The following PKP4 variants were observed in gnomAD, a reference collection of about 807,000 sequenced individuals.
PKP4 encodes plakophilin-4.
Under a neutral mutation model 145.1 loss-of-function variants are expected in PKP4, and 90 were observed. The ratio of observed to expected loss-of-function variants is 0.62; its 90% CI spans 0.52 to 0.74. The LOEUF (loss-of-function observed/expected upper bound fraction) is 0.74, where lower values mean the gene tolerates loss of function less well. Ranked by LOEUF, PKP4 falls within the 30% of genes least tolerant of loss-of-function variation. The pLI is 0.00. For synonymous variants in PKP4, 563 were observed against 577.2 expected (o/e 0.98, Z 0.35); for missense variants, 1,340 against 1,482.7 (o/e 0.90, Z 1.58).
chr2:158,646,516 T>C (rs1021698811), intron 11 of PKP4, among the ~76,000 whole-genome samples: 11 of 152,248 alleles, frequency 7.2e-5, no homozygotes, highest in African/African-American at 2.7e-4. Context: ...ATTTATAGTC[T>C]AAGCTTTATA....
At chr2:158,590,375 A>G (rs1574656397) in intron 3 of PKP4, among the ~76,000 whole-genome samples, 1 of 137,004 alleles carries the variant, frequency 7.3e-6, no homozygotes. Flanking sequence ...TATTTCTTCT[A>G]GACTTTTTTT....
At chr2:158,478,530 T>C (rs773129804) in intron 1 of PKP4, among the ~76,000 whole-genome samples, 7 of 152,234 alleles carry the variant, frequency 4.6e-5, no homozygotes, top group Admixed American at 3.9e-4. Flanking sequence ...GCCTTGGCAA[T>C]AGCTCATCGT....
At chr2:158,549,320 A>T (rs899839406) in intron 2 of PKP4, 1 of 152,258 alleles carries the variant, frequency 6.6e-6, no homozygotes, top group Non-Finnish European at 1.5e-5. Context: ...GTACTTTTAC[A>T]GGGGTGGATC....
chr2:158,467,644 A>C (rs112374757), intron 1 of PKP4, among the ~76,000 whole-genome samples: 13,151 of 152,032 alleles, frequency 0.087, 783 homozygotes, highest in Middle Eastern at 0.21. Flanking sequence ...CCAAGAGTTC[A>C]AGACCAGCCT....
chr2:158,463,881 T>C (rs561622531), intron 1 of PKP4, among the ~76,000 whole-genome samples: 79 of 152,270 alleles, frequency 5.2e-4, no homozygotes, highest in African/African-American at 1.9e-3. Flanking sequence ...AGTCAGTGGC[T>C]CCGTGTCTTG....
intron 19 of PKP4, among the ~76,000 whole-genome samples, chr2:158,674,553 T>C (rs1346349949): frequency 1.3e-5 from 2 of 152,240 alleles, no homozygotes; most frequent in Non-Finnish European, 2.9e-5. Context: ...CTGCTGCTAA[T>C]GGAAGCAGGC....
chr2:158,541,901 C>G (rs2044556321), intron 2 of PKP4, among the ~76,000 whole-genome samples: 1 of 152,184 alleles, frequency 6.6e-6, no homozygotes, highest in South Asian at 2.1e-4. Flanking sequence ...GTCTTAACCA[C>G]TGCCTATGGC....
intron 2 of PKP4, among the ~76,000 whole-genome samples, chr2:158,534,170 G>A (rs2043831550): frequency 1.3e-5 from 2 of 151,712 alleles, no homozygotes; most frequent in Non-Finnish European, 2.9e-5. Flanking sequence ...GTATTTGCTG[G>A]GATATTCCTT....
chr2:158,584,064 G>T (rs2048576014), intron 3 of PKP4, among the ~76,000 whole-genome samples: 1 of 152,156 alleles, frequency 6.6e-6, no homozygotes, highest in South Asian at 2.1e-4. Flanking sequence ...CCAGGACCAG[G>T]GGCTCTCTGC....
chr2:158,631,679 T>C, intron 7 of PKP4, 74 bp from the exon 8 acceptor site: 2 of 1,302,530 alleles, frequency 1.5e-6, no homozygotes, highest in Non-Finnish European at 2.2e-6. Context: ...GGGTTAGGAA[T>C]TTAATTAGGG....
intron 6 of PKP4, 36 bp from the exon 7 acceptor site, chr2:158,624,842 A>T (rs370100583): frequency 3.7e-5 from 56 of 1,520,210 alleles, no homozygotes; most frequent in Non-Finnish European, 4.7e-5. Context: ...AAAACCCTGG[A>T]TAAACCCATT....
chr2:158,539,797 G>A (rs747837534), intron 2 of PKP4, among the ~76,000 whole-genome samples: 19 of 152,184 alleles, frequency 1.2e-4, no homozygotes, highest in Non-Finnish European at 1.9e-4. Flanking sequence ...GCAGAGCCTT[G>A]TGACACTGTT....
chr2:158,545,524 A>G (rs1354736097), intron 2 of PKP4, among the ~76,000 whole-genome samples: 1 of 152,216 alleles, frequency 6.6e-6, no homozygotes, highest in African/African-American at 2.4e-5. Flanking sequence ...AAGCAGTTGC[A>G]GAGGTTAGGA....
intron 1 of PKP4, among the ~76,000 whole-genome samples, chr2:158,530,013 A>T (rs1390933029): frequency 6.6e-6 from 1 of 152,182 alleles, no homozygotes; most frequent in Non-Finnish European, 1.5e-5. Context: ...CTGTTTACAG[A>T]TTGTTGAAGT....
At chr2:158,658,042 A>T in intron 11 of PKP4, 89 bp from the exon 12 acceptor site, 1 of 770,510 alleles carries the variant, frequency 1.3e-6, no homozygotes, top group Non-Finnish European at 2.2e-6. Context: ...GAACAGACTG[A>T]CTTCATATTA....
In PKP4 at chr2:158,676,857, C is replaced by T; in HGVS notation, c.3246C>T (p.Gly1082=). Residue 1082 remains glycine, a synonymous_variant, in exon 20 of 22, where the codon GGC becomes GGT. Transcript: ENST00000389759. ...YNSQGDATHK[G]LYPGSSKPSP... The stretch of plus-strand genomic sequence containing the variant: ...GCCAAGGGGATGCCACACATAAAGG[C>T]CTGTACCCTGGTAAGACGCCAGTTG... 6.2e-7 allele frequency: 1 copy of T among 1,614,090 alleles called. No homozygotes were observed. Among genetic ancestry groups the T allele is most frequent in the Non-Finnish European group, 8.5e-7 (1 of 1,180,020 alleles).
intron 7 of PKP4, among the ~76,000 whole-genome samples, chr2:158,625,942 T>G (rs145442060): frequency 2.0e-5 from 3 of 152,218 alleles, no homozygotes; most frequent in East Asian, 3.8e-4. Flanking sequence ...AAAGCGCTTA[T>G]GAATCACTTT....
chr2:158,477,142 T>C (rs1692607503), intron 1 of PKP4, among the ~76,000 whole-genome samples: 1 of 152,182 alleles, frequency 6.6e-6, no homozygotes, highest in Non-Finnish European at 1.5e-5. Context: ...TATGACCACA[T>C]TTATTTGAAG....
At chr2:158,662,166 C>G (rs1480241997) in intron 13 of PKP4, 1 of 152,244 alleles carries the variant, frequency 6.6e-6, no homozygotes, top group East Asian at 1.9e-4. Context: ...TAAGGGTGAG[C>G]CTGAGAGAAA....
Sources: gnomAD v4.1 joint callset for allele counts (sites outside exome capture counted in the v4.1 genomes callset) on GRCh38, gnomAD v4.1.1 for gene constraint, MANE v1.5 for transcripts, NCBI Gene and HGNC (gene_info 2026-07-23, HGNC 2026-07-21) for gene names.